Variants in NOL4L observed in about 807,000 individuals in gnomAD.
The protein encoded by NOL4L is nucleolar protein 4 like, also known as nucleolar protein 4-like.
In NOL4L, 7 loss-of-function variants were observed where a neutral mutation model predicts 64.5. The ratio of observed to expected loss-of-function variants is 0.11; its 90% confidence interval spans 0.06 to 0.20. NOL4L has a LOEUF of 0.20. NOL4L is among the 10% of genes least tolerant of loss of function. The probability of loss-of-function intolerance (pLI) is 1.00; values close to 1 mark genes in which losing one functional copy is unlikely to be tolerated. For missense variants in NOL4L, 680 were observed against 967.1 expected, an observed-to-expected ratio of 0.70 and a Z score of 3.94; for synonymous variants, 413 against 401.0, an observed-to-expected ratio of 1.03 and a Z score of -0.36.
Position 32,463,320 on chromosome 20 carries a change from G to A in NOL4L, c.842-6925C>T, listed in dbSNP as rs1230462429. Reference sequence around the variant, plus strand: ...GTCCCCATCTTGCTGCTTCCATGAGGCCCCTCCAGGAGGGTCACCCTTGAG... The same window carrying A: ...GTCCCCATCTTGCTGCTTCCATGAGACCCCTCCAGGAGGGTCACCCTTGAG... On this transcript the variant is annotated intron_variant, in intron 5 of 10. Coordinates refer to ENST00000621426, the MANE Select transcript of NOL4L (RefSeq NM_001256798.2). This position sits in a 1 kb window ranked among gnomAD's most constrained non-coding sequence, Gnocchi z 5.8. Among the ~76,000 whole-genome samples the A allele has an allele frequency of 2.0e-5, 3 of 152,126 alleles. No homozygotes were observed. Among genetic ancestry groups the A allele is most frequent in the Non-Finnish European group, 2.9e-5 (2 of 68,004 alleles).
At chr20:32,462,580 A>C (rs547436888) in intron 5 of NOL4L, among the ~76,000 whole-genome samples, 60 of 145,288 alleles carry the variant, frequency 4.1e-4, no homozygotes, top group African/African-American at 1.5e-3. Flanking sequence ...TTTTGATCCG[A>C]TTGGAATTCT....
At chr20:32,510,308 C>A in intron 4 of NOL4L, 1 of 269,958 alleles carries the variant, frequency 3.7e-6, no homozygotes, top group South Asian at 3.9e-5. Flanking sequence ...GCTGGCCGCC[C>A]TGCCTCTTGA....
Position 32,456,103 on chromosome 20 carries a change from C to A in NOL4L, c.1119+15G>T. The A allele has an allele frequency of 6.7e-7, 1 of 1,488,822 alleles. No homozygotes were observed. The highest frequency in any genetic ancestry group is 1.4e-5 in the South Asian group (1 of 71,816). The allele number at this position is 1,488,822 out of a possible 1,614,324, so 92.2% of individuals were successfully genotyped here. A position where few individuals can be genotyped will look rare whatever the true frequency, so the allele number is the denominator to read the frequency against. On this transcript the variant is annotated intron_variant, in intron 6 of 10. Transcript: ENST00000621426. ...TTTACAGAAAGAAATGGACTCAGCC[C>A]CCAGCCCCACACACCTCGGGGGTGG...
chr20:32,491,657 C>T (rs778862263), intron 4 of NOL4L, among the ~76,000 whole-genome samples: 24 of 152,194 alleles, frequency 1.6e-4, no homozygotes, highest in Non-Finnish European at 2.5e-4. Flanking sequence ...ATCCTGGACA[C>T]GGGCCACACT....
chr20:32,475,416 C>G (rs981266788), intron 4 of NOL4L: 14 of 881,584 alleles, frequency 1.6e-5, no homozygotes, highest in Non-Finnish European at 1.9e-5. Context: ...GGGTTCAGCT[C>G]AAGGGCCTGG....
intron 4 of NOL4L, chr20:32,474,986 T>C: frequency 1.0e-6 from 1 of 985,222 alleles, no homozygotes. Context: ...AAGACAATTA[T>C]GAGGTCTCGC....
chr20:32,566,820 G>C (rs1201113929), intron 1 of NOL4L, among the ~76,000 whole-genome samples: 1 of 152,200 alleles, frequency 6.6e-6, no homozygotes, highest in Admixed American at 6.5e-5. Context: ...ACCAGCGTCT[G>C]ACACAGTGGG....
chr20:32,480,900 G>A (rs902192627), intron 4 of NOL4L, among the ~76,000 whole-genome samples: 3 of 152,132 alleles, frequency 2.0e-5, no homozygotes, highest in Non-Finnish European at 4.4e-5. Context: ...AAGGAGGCCA[G>A]CCTTCCAGCA....
chr20:32,511,289 C>CCACCGCCAGGCAAGTCAGGA, intron 4 of NOL4L, 58 bp downstream of exon 4: 3 of 1,108,018 alleles, frequency 2.7e-6, no homozygotes, highest in Non-Finnish European at 2.7e-6. Context: ...AAAGAATCAA[C>CCACCGCCAGGCAAGTCAGGA]CACCGCCAGG....
chr20:32,582,936 A>C (rs544358911), intron 1 of NOL4L, among the ~76,000 whole-genome samples: 178 of 150,318 alleles, frequency 1.2e-3, no homozygotes, highest in Non-Finnish European at 1.9e-3. Context: ...GGGGTCCTGG[A>C]CTCGATCGGG....
intron 5 of NOL4L, among the ~76,000 whole-genome samples, chr20:32,470,193 C>G (rs528453105): frequency 2.6e-5 from 4 of 152,260 alleles, no homozygotes; most frequent in Non-Finnish European, 5.9e-5. Context: ...CCTGCCCCCA[C>G]GCATCCCTTC....
chr20:32,502,399 C>T (rs1349983269), intron 4 of NOL4L, among the ~76,000 whole-genome samples: 1 of 150,680 alleles, frequency 6.6e-6, no homozygotes, highest in African/African-American at 2.4e-5. Context: ...TCAAGATCAG[C>T]CTGGCCAACA....
intron 4 of NOL4L, among the ~76,000 whole-genome samples, chr20:32,478,591 T>G (rs545617763): frequency 6.6e-5 from 10 of 152,310 alleles, no homozygotes; most frequent in African/African-American, 2.4e-4. Context: ...GGTTCTAAGA[T>G]TCTGATATCT....
rs759705878 is a variant in NOL4L, at chr20:32,451,929, T to C, written c.1822+307A>G. 5.3e-5 allele frequency among the ~76,000 whole-genome samples: 8 copies of C among 151,364 alleles called. No homozygotes were observed. The East Asian group carries it at 1.6e-3, about 29-fold the overall frequency. On this transcript the variant is annotated intron_variant, in intron 10 of 10. Transcript: ENST00000621426. The stretch of plus-strand genomic sequence containing the variant: ...GGCACCCACAGGGACCCTGGGGGAG[T>C]GGAACCAGTGAGAGGCGCCGGTAGT...
At chr20:32,565,368 G>A (rs1406674609) in intron 1 of NOL4L, among the ~76,000 whole-genome samples, 1 of 152,168 alleles carries the variant, frequency 6.6e-6, no homozygotes, top group Non-Finnish European at 1.5e-5. Flanking sequence ...CAGACCTCCT[G>A]TCCCACCAAG....
intron 1 of NOL4L, among the ~76,000 whole-genome samples, chr20:32,553,693 G>T (rs114321772): frequency 6.6e-6 from 1 of 152,224 alleles, no homozygotes; most frequent in South Asian, 2.1e-4. Flanking sequence ...ATCAATGCAC[G>T]TTGTAGGTGC....
intron 1 of NOL4L, among the ~76,000 whole-genome samples, chr20:32,568,262 T>C (rs1000313808): frequency 1.3e-5 from 2 of 152,138 alleles, no homozygotes; most frequent in South Asian, 4.1e-4. Flanking sequence ...ACCACATCTA[T>C]GGGTCTCAAC....
At chr20:32,494,776 C>G (rs1211179664) in intron 4 of NOL4L, among the ~76,000 whole-genome samples, 1 of 152,200 alleles carries the variant, frequency 6.6e-6, no homozygotes, top group Non-Finnish European at 1.5e-5. Context: ...AACTTGCAAC[C>G]ATGAGGAAAA....
At position 32,446,146 on chromosome 20, in the gene NOL4L, G is replaced by A. The variant is rs1201578631; in HGVS notation, c.*1450C>T. 1.3e-5 allele frequency: 2 copies of A among 152,446 alleles called. No homozygotes were observed. Among genetic ancestry groups the A allele is most frequent in the African/African-American group, 4.8e-5 (2 of 41,452 alleles). 9.4% of individuals were successfully genotyped at this position (152,446 alleles called of 1,614,324 possible). ...ATGGCTACGGAGTGTTGCACGGAGA[G>A]GCCCTGGGGGCCTGCTGAGGTCTGG... On this transcript the variant is annotated 3_prime_UTR_variant, in exon 11 of 11. Coordinates refer to ENST00000621426, the MANE Select transcript of NOL4L (RefSeq NM_001256798.2).
Sources: allele counts gnomAD v4.1 joint callset (sites outside exome capture counted in the v4.1 genomes callset), GRCh38; gene constraint gnomAD v4.1.1; non-coding constraint Gnocchi (gnomAD v3.1); transcripts MANE v1.5; gene names NCBI Gene and HGNC (gene_info 2026-07-23, HGNC 2026-07-21).